The following RFTN2 variants were observed in gnomAD, a reference collection of about 807,000 sequenced individuals.
The protein encoded by RFTN2 is raftlin-2.
A neutral mutation model predicts 52.7 loss-of-function variants in RFTN2; 34 were observed. The observed-to-expected ratio is 0.64, with a 90% CI of 0.49 to 0.86. The LOEUF (loss-of-function observed/expected upper bound fraction) is 0.86, where lower values mean the gene tolerates loss of function less well. Among genes scored for constraint, RFTN2 ranks in the 40% least tolerant of loss-of-function variants. The pLI is 0.00. For missense variants in RFTN2, 536 were observed against 600.1 expected (o/e 0.89, Z 1.12); for synonymous variants, 203 against 217.7 (o/e 0.93, Z 0.59).
chr2:197,589,989 C>T lies in RFTN2; in HGVS notation c.1233+6002G>A, dbSNP rs544508762. On this transcript the variant is annotated intron_variant, in intron 8 of 8. Transcript: ENST00000295049. ...TGGCGCGATCATGGCTCACAATAGC[C>T]TCCATCTCCCAGGCTCCAGCGATCC... Among the ~76,000 whole-genome samples, 346 of 152,268 alleles carry T rather than the reference C, an allele frequency of 2.3e-3. 1 individual carries two copies. The highest frequency in any genetic ancestry group is 7.9e-3 in the African/African-American group (329 of 41,542).
chr2:197,628,660 C>G (rs1217188353), intron 5 of RFTN2, among the ~76,000 whole-genome samples: 1 of 151,970 alleles, frequency 6.6e-6, no homozygotes, highest in Admixed American at 6.6e-5. Context: ...GAAGCATAAA[C>G]CAACCTCTAA....
intron 8 of RFTN2, among the ~76,000 whole-genome samples, chr2:197,580,428 G>A (rs1202121311): frequency 3.3e-5 from 5 of 152,188 alleles, no homozygotes; most frequent in Non-Finnish European, 5.9e-5. Context: ...AGGAATGCCC[G>A]CAGCCTGGGA....
intron 7 of RFTN2, among the ~76,000 whole-genome samples, chr2:197,611,298 G>T (rs1392293798): frequency 1.3e-5 from 2 of 152,130 alleles, no homozygotes; most frequent in Non-Finnish European, 2.9e-5. Flanking sequence ...GAACCTGTTA[G>T]TGGTCTAGTC....
At chr2:197,607,042 G>T (rs2087972932) in intron 7 of RFTN2, among the ~76,000 whole-genome samples, 1 of 152,162 alleles carries the variant, frequency 6.6e-6, no homozygotes, top group South Asian at 2.1e-4. Flanking sequence ...TATGTTTATT[G>T]TGGGACTATT....
intron 8 of RFTN2, among the ~76,000 whole-genome samples, chr2:197,575,307 T>G (rs530998376): frequency 6.6e-6 from 1 of 152,288 alleles, no homozygotes; most frequent in African/African-American, 2.4e-5. Flanking sequence ...TACCCAGTCT[T>G]GGGTATGTCT....
chr2:197,585,917 C>T (rs958682260), intron 8 of RFTN2, among the ~76,000 whole-genome samples: 4 of 152,152 alleles, frequency 2.6e-5, no homozygotes, highest in Non-Finnish European at 5.9e-5. Flanking sequence ...GGACCCCTCA[C>T]AACACAAACT....
At chr2:197,659,678 G>A (rs771038630) in intron 1 of RFTN2, among the ~76,000 whole-genome samples, 52 of 151,920 alleles carry the variant, frequency 3.4e-4, no homozygotes, top group Admixed American at 2.6e-4. Flanking sequence ...TAAACCTGGC[G>A]TGGTGGCGTG....
intron 8 of RFTN2, among the ~76,000 whole-genome samples, chr2:197,590,815 C>T (rs561004578): frequency 3.3e-5 from 5 of 152,306 alleles, no homozygotes; most frequent in African/African-American, 7.2e-5. Flanking sequence ...TGGCTGGCTT[C>T]AGGCGTGAAG....
At chr2:197,633,233 T>C (rs2088495336) in intron 4 of RFTN2, among the ~76,000 whole-genome samples, 1 of 152,242 alleles carries the variant, frequency 6.6e-6, no homozygotes, top group Non-Finnish European at 1.5e-5. Context: ...TATTGTTATA[T>C]TAATTGTTTC....
rs563058150 is a variant in RFTN2 at position 197,592,461 on chromosome 2, CT to C, written c.1233+3529del. 1.7e-3 allele frequency among the ~76,000 whole-genome samples: 255 copies of C among 152,330 alleles called. 1 individual carries two copies. The highest frequency in any genetic ancestry group is 5.8e-3 in the African/African-American group (243 of 41,568). ...CCGCCCGCCTTGGCCTTCCAAAGTG[CT>C]GGGATTACAGGCGTGAGCCACTGTG... On this transcript the variant is annotated intron_variant, in intron 8 of 8. Coordinates refer to ENST00000295049, the MANE Select transcript of RFTN2 (RefSeq NM_144629.3).
At chr2:197,671,883 T>G (rs1318624815) in intron 1 of RFTN2, among the ~76,000 whole-genome samples, 1 of 152,208 alleles carries the variant, frequency 6.6e-6, no homozygotes, top group Non-Finnish European at 1.5e-5. Flanking sequence ...CTACTATTAT[T>G]CAGATTGTTT....
chr2:197,642,972 A>C (rs1353731153), intron 3 of RFTN2, among the ~76,000 whole-genome samples: 4 of 152,204 alleles, frequency 2.6e-5, no homozygotes, highest in Non-Finnish European at 4.4e-5. Flanking sequence ...TAACAACAAC[A>C]ACAAAAAAAG....
intron 3 of RFTN2, among the ~76,000 whole-genome samples, chr2:197,640,045 C>A (rs1453005572): frequency 6.6e-6 from 1 of 152,208 alleles, no homozygotes; most frequent in African/African-American, 2.4e-5. Context: ...CCCAGTTAGG[C>A]TGCTCAGGGG....
At chr2:197,597,633 C>T (rs111614716) in intron 7 of RFTN2, among the ~76,000 whole-genome samples, 4 of 152,268 alleles carry the variant, frequency 2.6e-5, no homozygotes, top group African/African-American at 4.8e-5. Flanking sequence ...ATTCTCCTCC[C>T]TCAGCCTTCC....
At chr2:197,637,243 T>C (rs1454609408) in intron 3 of RFTN2, among the ~76,000 whole-genome samples, 2 of 152,008 alleles carry the variant, frequency 1.3e-5, no homozygotes, top group Non-Finnish European at 2.9e-5. Flanking sequence ...ATCAGAATGA[T>C]GCTAGCCTCA....
intron 7 of RFTN2, among the ~76,000 whole-genome samples, chr2:197,600,695 G>A (rs941649122): frequency 3.3e-5 from 5 of 152,160 alleles, no homozygotes; most frequent in Admixed American, 6.5e-5. Flanking sequence ...AAATGCCCTG[G>A]ATGGTTTCAG....
chr2:197,644,237 C>T lies in RFTN2; in HGVS notation c.359G>A (p.Arg120His), dbSNP rs532034102. The change falls in exon 3 of 9, where the codon CGC becomes CAC. Residue 120 changes from arginine to histidine, a missense_variant. Coordinates refer to ENST00000295049, the MANE Select transcript of RFTN2 (RefSeq NM_144629.3). ...ACATTCCTCAATCACGAGCCTTGGG[C>T]GTCTTTGTCCACTGGGTGCTGCCGA... The part of the protein sequence containing the change: ...KNSAAPSGQR[R>H]PRLVIEECPL... The T allele has an allele frequency of 6.8e-6, 11 of 1,612,544 alleles. No homozygotes were observed. Among genetic ancestry groups the T allele is most frequent in the East Asian group, 4.5e-5 (2 of 44,858 alleles).
chr2:197,581,752 A>G (rs532795378), intron 8 of RFTN2, among the ~76,000 whole-genome samples: 141 of 152,210 alleles, frequency 9.3e-4, no homozygotes, highest in African/African-American at 3.3e-3. Context: ...ATCATGTCCA[A>G]CTGATCTCTC....
chr2:197,669,393 T>C (rs1179533563), intron 1 of RFTN2, among the ~76,000 whole-genome samples: 1 of 152,046 alleles, frequency 6.6e-6, no homozygotes, highest in African/African-American at 2.4e-5. Context: ...TTTTTCAAAT[T>C]TTTTTGGGGT....
Sources: allele counts gnomAD v4.1 joint callset (sites outside exome capture counted in the v4.1 genomes callset), GRCh38; gene constraint gnomAD v4.1.1; transcripts MANE v1.5; gene names NCBI Gene and HGNC (gene_info 2026-07-23, HGNC 2026-07-21).